The following RAD51B variants were observed in gnomAD, a reference collection of about 807,000 sequenced individuals.
RAD51B encodes the protein DNA repair protein RAD51 homolog 2.
A neutral mutation model predicts 42.2 loss-of-function variants in RAD51B; 38 were observed. The observed-to-expected ratio is 0.90, with a 90% CI of 0.70 to 1.18. The LOEUF is 1.18. Among genes scored for constraint, RAD51B ranks in the 50% most tolerant of loss-of-function variants. RAD51B has a pLI of 0.00. For synonymous variants in RAD51B, 154 were observed against 145.2 expected, an observed-to-expected ratio of 1.06 and a Z score of -0.43; for missense variants, 373 against 400.7, an observed-to-expected ratio of 0.93 and a Z score of 0.59.
chr14:68,681,734 T>C (rs573367048), intron 11 of RAD51B, among the ~76,000 whole-genome samples: 1 of 152,330 alleles, frequency 6.6e-6, no homozygotes, highest in East Asian at 1.9e-4. Context: ...ACCTCCCTCC[T>C]GTTCATCAGT....
At chr14:68,046,707 A>G (rs1444428737) in intron 7 of RAD51B, among the ~76,000 whole-genome samples, 2 of 152,092 alleles carry the variant, frequency 1.3e-5, no homozygotes, top group Non-Finnish European at 2.9e-5. Context: ...CTGCACTCCA[A>G]CCTGGGCGAC....
chr14:68,356,653 T>C (rs546348569), intron 8 of RAD51B, among the ~76,000 whole-genome samples: 2 of 152,148 alleles, frequency 1.3e-5, no homozygotes, highest in East Asian at 3.9e-4. Flanking sequence ...AGGGGGTGGT[T>C]GCTGAAGGTT....
intron 7 of RAD51B, among the ~76,000 whole-genome samples, chr14:68,033,144 A>G (rs2076072852): frequency 6.6e-6 from 1 of 152,176 alleles, no homozygotes. Flanking sequence ...ATTCTCTACC[A>G]CAATGCCTGG....
intron 9 of RAD51B, 135 bp downstream of exon 9, chr14:68,411,662 C>T: frequency 4.2e-6 from 3 of 716,864 alleles, no homozygotes; most frequent in Non-Finnish European, 7.0e-6. Flanking sequence ...CTAAAGAAAC[C>T]AGCATTTCTG....
At chr14:67,917,956 G>A (rs980080032) in intron 7 of RAD51B, among the ~76,000 whole-genome samples, 1 of 152,136 alleles carries the variant, frequency 6.6e-6, no homozygotes, top group Admixed American at 6.6e-5. Context: ...TTATCTCTGT[G>A]AGATCAGAGA....
In RAD51B at chr14:68,548,648, C is replaced by T. The variant is rs763023423; in HGVS notation, c.1037-45837C>T. On this transcript the variant is annotated intron_variant, in intron 10 of 10. Transcript: ENST00000487270. Reference sequence around the variant, plus strand: ...GGGACAGAGTGGATGTCTGTGCGTTCTGGGCCTGAAGAATTGCTGGTTAGC... The same window carrying T: ...GGGACAGAGTGGATGTCTGTGCGTTTTGGGCCTGAAGAATTGCTGGTTAGC... Among the ~76,000 whole-genome samples the T allele has an allele frequency of 4.6e-5, 7 of 152,324 alleles. No individual in the cohort carries two copies. The East Asian group carries it at 5.8e-4, about 13-fold the overall frequency.
intron 7 of RAD51B, among the ~76,000 whole-genome samples, chr14:67,916,249 C>T (rs1566956437): frequency 6.6e-6 from 1 of 151,186 alleles, no homozygotes; most frequent in Non-Finnish European, 1.5e-5. Flanking sequence ...AACACTTTCC[C>T]TTTAAATTTA....
chr14:68,292,295 T>C (rs2081532503), intron 8 of RAD51B, among the ~76,000 whole-genome samples: 2 of 152,208 alleles, frequency 1.3e-5, no homozygotes, highest in African/African-American at 4.8e-5. Context: ...AAAGGTTGGC[T>C]TTCCCAGTGG....
At chr14:68,285,605 G>A (rs537821612) in intron 7 of RAD51B, among the ~76,000 whole-genome samples, 67 of 152,216 alleles carry the variant, frequency 4.4e-4, no homozygotes, top group African/African-American at 1.5e-3. Flanking sequence ...ACTGCACCTC[G>A]CCATCCTGGC....
intron 10 of RAD51B, among the ~76,000 whole-genome samples, chr14:68,605,205 T>A (rs1891397294): frequency 6.6e-6 from 1 of 152,022 alleles, no homozygotes; most frequent in Non-Finnish European, 1.5e-5. Context: ...GCAGGGCGGG[T>A]TCCTTCTCGA....
chr14:68,059,899 G>A (rs906544418), intron 7 of RAD51B, among the ~76,000 whole-genome samples: 4 of 152,106 alleles, frequency 2.6e-5, no homozygotes, highest in African/African-American at 9.7e-5. Context: ...TGATTTTAGA[G>A]TTTTCCTCTT....
chr14:68,149,215 C>T (rs1271041893), intron 7 of RAD51B, among the ~76,000 whole-genome samples: 2 of 152,000 alleles, frequency 1.3e-5, no homozygotes, highest in African/African-American at 4.8e-5. Flanking sequence ...TTAATGAAGC[C>T]TAACATCAAT....
At chr14:68,540,098 T>C (rs1887873023) in intron 10 of RAD51B, 14 of 771,108 alleles carry the variant, frequency 1.8e-5, no homozygotes, top group Non-Finnish European at 2.2e-5. Flanking sequence ...GAGAAGCCAC[T>C]GGACAGAGCT....
At chr14:68,397,486 G>A (rs1021696624) in intron 8 of RAD51B, among the ~76,000 whole-genome samples, 1 of 152,336 alleles carries the variant, frequency 6.6e-6, no homozygotes, top group African/African-American at 2.4e-5. Context: ...CTTGTGAAGA[G>A]ATACTTGAGG....
At chr14:67,992,187 A>G (rs1182927575) in intron 7 of RAD51B, among the ~76,000 whole-genome samples, 2 of 152,206 alleles carry the variant, frequency 1.3e-5, no homozygotes, top group Non-Finnish European at 2.9e-5. Flanking sequence ...GAAAATGGCT[A>G]AAGTTTTTCA....
chr14:68,446,781 G>A (rs1370054119), intron 9 of RAD51B, among the ~76,000 whole-genome samples: 1 of 152,168 alleles, frequency 6.6e-6, no homozygotes, highest in Non-Finnish European at 1.5e-5. Flanking sequence ...ATAAGATTAT[G>A]AGGCCATCAT....
chr14:67,940,077 T>A (rs1359558708), intron 7 of RAD51B, among the ~76,000 whole-genome samples: 2 of 70,598 alleles, frequency 2.8e-5, no homozygotes, highest in Non-Finnish European at 2.8e-5. Flanking sequence ...TTTTTTTTTT[T>A]TTTTTTTTTT....
At chr14:67,916,305 C>T (rs557448662) in intron 7 of RAD51B, among the ~76,000 whole-genome samples, 1 of 151,546 alleles carries the variant, frequency 6.6e-6, no homozygotes, top group Admixed American at 6.6e-5. Flanking sequence ...TTTTTTGAGA[C>T]TGGTCTCACT....
At chr14:68,648,113 GTATATATATATACACACACGTA>G (rs1274715302) in intron 10 of RAD51B, among the ~76,000 whole-genome samples, 1,147 of 59,490 alleles carry the variant, frequency 0.019, 17 homozygotes, top group South Asian at 0.037. Context: ...ATACACACAC[GTATATATATATACACACACGTA>G]TATATATATA....
Sources: allele counts gnomAD v4.1 joint callset (sites outside exome capture counted in the v4.1 genomes callset), GRCh38; gene constraint gnomAD v4.1.1; transcripts MANE v1.5; gene names NCBI Gene and HGNC (gene_info 2026-07-23, HGNC 2026-07-21).